PLPPR1: variants seen among roughly 807,000 people sequenced by gnomAD.
PLPPR1 encodes phospholipid phosphatase-related protein type 1.
A neutral mutation model predicts 33.1 loss-of-function variants in PLPPR1; 10 were observed. The observed-to-expected ratio is 0.30, with a 90% CI of 0.19 to 0.51. The LOEUF (loss-of-function observed/expected upper bound fraction) is 0.51, where lower values mean the gene tolerates loss of function less well. Ranked by LOEUF, PLPPR1 falls within the 20% of genes least tolerant of loss-of-function variation. PLPPR1 has a pLI of 0.97. For missense variants in PLPPR1, 304 were observed against 408.1 expected, an observed-to-expected ratio of 0.74 and a Z score of 2.20; for synonymous variants, 151 against 151.0, an observed-to-expected ratio of 1.00 and a Z score of 0.00.
In PLPPR1 at chr9:101,042,058, TAGAAGAAGAACAGAG is replaced by T. The variant is rs1223651814; in HGVS notation, c.-46+12963_-46+12977del. Among the ~76,000 whole-genome samples, 191 of 152,266 alleles carry T rather than the reference TAGAAGAAGAACAGAG, an allele frequency of 1.3e-3. 2 individuals carry two copies. The highest frequency in any genetic ancestry group is 1.5e-4 in the Non-Finnish European group (10 of 68,012). ...ACACATATAGAGAAAATATAATTTA[TAGAAGAAGAACAGAG>T]AGAAGAGAAATTTAATCATTCAGCA... On this transcript the variant is annotated intron_variant, in intron 1 of 7. Coordinates refer to ENST00000374874, the MANE Select transcript of PLPPR1 (RefSeq NM_207299.2).
rs1461415980 is a variant in PLPPR1 at position 101,324,490 on chromosome 9, A to G, written c.*433A>G. On this transcript the variant is annotated 3_prime_UTR_variant, in exon 8 of 8. Transcript: ENST00000374874. ...GGCAAACTTTTGAGCTGCAGGAAGG[A>G]CAATGTTGGTTAATAATAAATCTCA... 1 of 154,846 alleles carries G rather than the reference A, an allele frequency of 6.5e-6. No homozygotes were observed. Among genetic ancestry groups the G allele is most frequent in the African/African-American group, 2.4e-5 (1 of 41,552 alleles). 9.6% of individuals were successfully genotyped at this position (154,846 alleles called of 1,614,324 possible). A position where few individuals can be genotyped will look rare whatever the true frequency, so the allele number is the denominator to read the frequency against.
intron 1 of PLPPR1, among the ~76,000 whole-genome samples, chr9:101,150,900 G>A (rs1016482938): frequency 3.3e-5 from 5 of 151,724 alleles, no homozygotes; most frequent in African/African-American, 7.3e-5. Flanking sequence ...TCTCGTTCTC[G>A]GTGCAGTCTG....
chr9:101,265,823 CG>C (rs1294694188), intron 2 of PLPPR1, among the ~76,000 whole-genome samples: 3 of 151,792 alleles, frequency 2.0e-5, no homozygotes, highest in African/African-American at 7.2e-5. Context: ...AGTGAAACCC[CG>C]TCTCTACTAA....
intron 1 of PLPPR1, among the ~76,000 whole-genome samples, chr9:101,179,323 G>A (rs571273137): frequency 1.4e-4 from 21 of 152,256 alleles, no homozygotes; most frequent in African/African-American, 5.1e-4. Context: ...GCTTGCTGAA[G>A]GCAAAGGGAA....
At chr9:101,288,660 G>C (rs1374264965) in intron 4 of PLPPR1, among the ~76,000 whole-genome samples, 1 of 152,092 alleles carries the variant, frequency 6.6e-6, no homozygotes, top group Admixed American at 6.5e-5. Context: ...AAAAACCTGA[G>C]AGACACCTTA....
At chr9:101,222,123 C>T (rs1826955550) in intron 2 of PLPPR1, among the ~76,000 whole-genome samples, 1 of 152,154 alleles carries the variant, frequency 6.6e-6, no homozygotes, top group Non-Finnish European at 1.5e-5. Flanking sequence ...ATAGCAGCAG[C>T]TGGGGCAGCC....
chr9:101,032,983 G>A (rs535334647), intron 1 of PLPPR1, among the ~76,000 whole-genome samples: 6 of 152,012 alleles, frequency 3.9e-5, no homozygotes, highest in African/African-American at 7.3e-5. Flanking sequence ...CAGAATTTCC[G>A]GATTTAATAT....
At chr9:101,283,236 T>A (rs1432991094) in intron 3 of PLPPR1, among the ~76,000 whole-genome samples, 1 of 152,000 alleles carries the variant, frequency 6.6e-6, no homozygotes, top group East Asian at 1.9e-4. Context: ...AAAGAACAAA[T>A]CTGGAGACAT....
chr9:101,052,169 C>T (rs2480738), intron 1 of PLPPR1, among the ~76,000 whole-genome samples: 54,314 of 151,994 alleles, frequency 0.36, 10,098 homozygotes, highest in Non-Finnish European at 0.41. Flanking sequence ...ATAAAATATG[C>T]CATAGTGTAT....
intron 2 of PLPPR1, among the ~76,000 whole-genome samples, chr9:101,236,239 A>C (rs1401184662): frequency 6.6e-6 from 1 of 151,748 alleles, no homozygotes; most frequent in African/African-American, 2.4e-5. Flanking sequence ...ACAATTCCAA[A>C]AAAAGTCAAT....
intron 1 of PLPPR1, among the ~76,000 whole-genome samples, chr9:101,168,193 G>A (rs957612474): frequency 1.3e-5 from 2 of 152,120 alleles, no homozygotes; most frequent in African/African-American, 4.8e-5. Flanking sequence ...CTAAAGGATA[G>A]TGGCACCTAA....
At chr9:101,201,981 G>T (rs1009642215) in intron 2 of PLPPR1, among the ~76,000 whole-genome samples, 40 of 152,102 alleles carry the variant, frequency 2.6e-4, no homozygotes, top group Admixed American at 9.2e-4. Flanking sequence ...AGCATACTTT[G>T]ACATAACTGA....
chr9:101,323,377 C>T (rs1437345351), intron 7 of PLPPR1, among the ~76,000 whole-genome samples: 2 of 151,212 alleles, frequency 1.3e-5, no homozygotes, highest in Non-Finnish European at 2.9e-5. Context: ...TGCCCAGTGT[C>T]CTACCTACTC....
At chr9:101,201,183 A>T (rs1826485579) in intron 2 of PLPPR1, among the ~76,000 whole-genome samples, 3 of 152,194 alleles carry the variant, frequency 2.0e-5, no homozygotes, top group Admixed American at 2.0e-4. Flanking sequence ...CTCTTTCATA[A>T]GGACCTAAAT....
chr9:101,297,688 A>G (rs1343773273), intron 4 of PLPPR1, among the ~76,000 whole-genome samples: 1 of 152,238 alleles, frequency 6.6e-6, no homozygotes, highest in East Asian at 1.9e-4. Flanking sequence ...GTGCAAAGGG[A>G]GGAAAGGAAC....
chr9:101,319,852 A>G (rs2118971187), intron 7 of PLPPR1, among the ~76,000 whole-genome samples: 1 of 152,322 alleles, frequency 6.6e-6, no homozygotes, highest in Non-Finnish European at 1.5e-5. Flanking sequence ...TTCCATAGAC[A>G]TACCAGTCTC....
At chr9:101,141,575 G>C (rs1831451103) in intron 1 of PLPPR1, among the ~76,000 whole-genome samples, 1 of 152,152 alleles carries the variant, frequency 6.6e-6, no homozygotes, top group Non-Finnish European at 1.5e-5. Context: ...TGATAAGCAG[G>C]AGGATTCTAT....
At chr9:101,175,870 T>G (rs1161789772) in intron 1 of PLPPR1, among the ~76,000 whole-genome samples, 1 of 152,272 alleles carries the variant, frequency 6.6e-6, no homozygotes, top group East Asian at 1.9e-4. Flanking sequence ...TAAGACATAC[T>G]TTTCCCTATT....
At position 101,136,531 on chromosome 9, in the gene PLPPR1, A is replaced by G. The variant is rs541154017; in HGVS notation, c.-45-48919A>G. Among the ~76,000 whole-genome samples, 4 of 152,000 alleles carry G rather than the reference A, an allele frequency of 2.6e-5. No individual in the cohort carries two copies. In the East Asian group the frequency reaches 5.8e-4, roughly 22 times the overall value. ...CCTTAGTGAAGCTTCCAATTTCTCT[A>G]CCTTTACTTGTTACTATTGAATCTT... On this transcript the variant is annotated intron_variant, in intron 1 of 7. Transcript: ENST00000374874.
Sources: gnomAD v4.1 joint callset for allele counts (sites outside exome capture counted in the v4.1 genomes callset) on GRCh38, gnomAD v4.1.1 for gene constraint, MANE v1.5 for transcripts, NCBI Gene and HGNC (gene_info 2026-07-23, HGNC 2026-07-21) for gene names.